Variants in GALNT13 observed in about 807,000 individuals in gnomAD.
GALNT13 encodes the protein polypeptide N-acetylgalactosaminyltransferase 13.
Under a neutral mutation model 64.2 loss-of-function variants are expected in GALNT13, and 28 were observed. The ratio of observed to expected loss-of-function variants is 0.44; its 90% confidence interval spans 0.32 to 0.60. The LOEUF is 0.60. Among genes scored for constraint, GALNT13 ranks in the 20% least tolerant of loss-of-function variants. The pLI is 0.05. For synonymous variants in GALNT13, 214 were observed against 224.6 expected (o/e 0.95, Z 0.42); for missense variants, 577 against 669.8 (o/e 0.86, Z 1.53).
intron 4 of GALNT13, among the ~76,000 whole-genome samples, chr2:154,190,574 C>A (rs1399646286): frequency 6.6e-6 from 1 of 152,162 alleles, no homozygotes; most frequent in African/African-American, 2.4e-5. Context: ...ACAGAGGAGG[C>A]AAAGTCCAAC....
chr2:153,771,504 C>A, the GALNT13 span, among the ~76,000 whole-genome samples: 1 of 152,050 alleles, frequency 6.6e-6, no homozygotes, highest in African/African-American at 2.4e-5. Flanking sequence ...TTTACCTTTG[C>A]ACCAAGATTT....
chr2:153,197,272 G>A, the GALNT13 span, among the ~76,000 whole-genome samples: 1 of 152,214 alleles, frequency 6.6e-6, no homozygotes, highest in African/African-American at 2.4e-5. Flanking sequence ...TGATAGGGTG[G>A]GGTGATCCCC....
intron 3 of GALNT13, among the ~76,000 whole-genome samples, chr2:153,981,713 AGTTT>A (rs1198219904): frequency 1.3e-5 from 2 of 152,094 alleles, no homozygotes; most frequent in African/African-American, 4.8e-5. Flanking sequence ...TTAAATTCAC[AGTTT>A]AACACTTTGA....
the GALNT13 span, among the ~76,000 whole-genome samples, chr2:153,291,994 A>C: frequency 6.6e-6 from 1 of 152,204 alleles, no homozygotes; most frequent in Non-Finnish European, 1.5e-5. Context: ...ATTTTGAAAA[A>C]GGAAATGCCC....
intron 4 of GALNT13, among the ~76,000 whole-genome samples, chr2:154,193,833 C>G (rs1211730828): frequency 6.6e-6 from 1 of 152,138 alleles, no homozygotes; most frequent in African/African-American, 2.4e-5. Context: ...GCCTCCCTAA[C>G]CTCAATTTCC....
At chr2:153,434,776 G>A in the GALNT13 span, among the ~76,000 whole-genome samples, 10 of 152,186 alleles carry the variant, frequency 6.6e-5, no homozygotes, top group Non-Finnish European at 1.3e-4. Context: ...CCATTTTGTA[G>A]GTTGCCTGTT....
At chr2:154,329,513 C>T (rs1012336462) in intron 9 of GALNT13, among the ~76,000 whole-genome samples, 5 of 152,110 alleles carry the variant, frequency 3.3e-5, no homozygotes, top group Admixed American at 6.6e-5. Flanking sequence ...TTTGCCAGTT[C>T]GGTTTCTCTG....
At chr2:153,414,334 C>T in the GALNT13 span, among the ~76,000 whole-genome samples, 4 of 151,522 alleles carry the variant, frequency 2.6e-5, no homozygotes, top group Non-Finnish European at 5.9e-5. Flanking sequence ...AAGATCATGC[C>T]ATTGCACTCC....
At chr2:153,857,123 C>A in the GALNT13 span, among the ~76,000 whole-genome samples, 1 of 152,014 alleles carries the variant, frequency 6.6e-6, no homozygotes, top group African/African-American at 2.4e-5. Context: ...ATGCTATAGC[C>A]AGCTTGCATC....
the GALNT13 span, among the ~76,000 whole-genome samples, chr2:153,277,044 T>G: frequency 1.3e-5 from 2 of 152,212 alleles, no homozygotes; most frequent in South Asian, 4.1e-4. Context: ...ATAAGATAAT[T>G]TTTAAAGTAA....
At chr2:153,776,452 T>C in the GALNT13 span, among the ~76,000 whole-genome samples, 1 of 152,222 alleles carries the variant, frequency 6.6e-6, no homozygotes, top group South Asian at 2.1e-4. Flanking sequence ...ATCCTTCCCA[T>C]AGCACCCTAG....
intron 8 of GALNT13, among the ~76,000 whole-genome samples, chr2:154,294,877 G>C (rs2105969189): frequency 6.6e-6 from 1 of 152,336 alleles, no homozygotes; most frequent in African/African-American, 2.4e-5. Flanking sequence ...CTTCTTTTAG[G>C]AAAAGTAAGT....
At chr2:153,471,154 T>A in the GALNT13 span, among the ~76,000 whole-genome samples, 1 of 151,624 alleles carries the variant, frequency 6.6e-6, no homozygotes, top group Non-Finnish European at 1.5e-5. Flanking sequence ...ACCAGGAGAG[T>A]GTGTGGCTCA....
intron 8 of GALNT13, among the ~76,000 whole-genome samples, chr2:154,264,540 G>A (rs111254078): frequency 0.021 from 3,151 of 151,800 alleles, 80 homozygotes; most frequent in African/African-American, 0.064. Context: ...GAGAGGCTGA[G>A]GTAGAAGAAT....
At chr2:153,453,849 A>G in the GALNT13 span, among the ~76,000 whole-genome samples, 10 of 152,216 alleles carry the variant, frequency 6.6e-5, no homozygotes, top group Admixed American at 6.5e-4. Context: ...CACAATAACA[A>G]AGACGTAGAA....
At chr2:154,265,241 T>C (rs1690926735) in intron 8 of GALNT13, among the ~76,000 whole-genome samples, 1 of 151,104 alleles carries the variant, frequency 6.6e-6, no homozygotes. Flanking sequence ...TTATCAAAGC[T>C]CACAGAAAGA....
chr2:154,340,815 A>G (rs1379652638), intron 9 of GALNT13, among the ~76,000 whole-genome samples: 1 of 152,120 alleles, frequency 6.6e-6, no homozygotes, highest in African/African-American at 2.4e-5. Context: ...TTTACCAAAT[A>G]TCCTTAACAC....
chr2:154,417,801 C>A (rs966210976), intron 11 of GALNT13, among the ~76,000 whole-genome samples: 1 of 151,964 alleles, frequency 6.6e-6, no homozygotes, highest in Non-Finnish European at 1.5e-5. Flanking sequence ...TGTGAGCCAC[C>A]GCGCCCGGCC....
At chr2:154,390,560 C>T (rs924670410) in intron 9 of GALNT13, among the ~76,000 whole-genome samples, 7 of 152,086 alleles carry the variant, frequency 4.6e-5, no homozygotes, top group Non-Finnish European at 8.8e-5. Context: ...GACATGATCT[C>T]GTTCTTTTTT....
Sources: gnomAD v4.1 joint callset for allele counts (sites outside exome capture counted in the v4.1 genomes callset) on GRCh38, gnomAD v4.1.1 for gene constraint, MANE v1.5 for transcripts, NCBI Gene and HGNC (gene_info 2026-07-23, HGNC 2026-07-21) for gene names.